Variants in RHOU observed in about 807,000 individuals in gnomAD.
RHOU encodes ras homolog family member U.
In RHOU, 8 loss-of-function variants were observed where a neutral mutation model predicts 12.6. That is an observed-to-expected ratio of 0.64 (90% CI 0.37 to 1.15). RHOU has a LOEUF of 1.15. Among genes scored for constraint, RHOU ranks in the 50% most tolerant of loss-of-function variants. The pLI is 0.01. For missense variants in RHOU, 258 were observed against 347.0 expected (o/e 0.74, Z 2.04); for synonymous variants, 161 against 147.4 (o/e 1.09, Z -0.67).
the RHOU span, among the ~76,000 whole-genome samples, chr1:228,653,225 T>G: frequency 6.6e-6 from 1 of 152,190 alleles, no homozygotes; most frequent in Admixed American, 6.5e-5. Flanking sequence ...CGTGGCTCAC[T>G]GTAACCTCTG....
intron 2 of RHOU, among the ~76,000 whole-genome samples, chr1:228,740,972 T>C (rs1425952696): frequency 6.6e-6 from 1 of 152,078 alleles, no homozygotes; most frequent in African/African-American, 2.4e-5. Context: ...TGAAAAAACA[T>C]ACCTTTGGCA....
upstream of RHOU, among the ~76,000 whole-genome samples, chr1:228,732,757 G>T (rs1451515497): frequency 1.3e-5 from 2 of 152,158 alleles, no homozygotes; most frequent in Non-Finnish European, 2.9e-5. Context: ...CTGACAGCTG[G>T]CCAGATGGAG....
chr1:228,709,929 A>T, the RHOU span, among the ~76,000 whole-genome samples: 1 of 152,152 alleles, frequency 6.6e-6, no homozygotes, highest in African/African-American at 2.4e-5. Flanking sequence ...TAATAAAGAA[A>T]AAAAGAGAGA....
the RHOU span, among the ~76,000 whole-genome samples, chr1:228,649,950 A>G: frequency 6.6e-6 from 1 of 152,242 alleles, no homozygotes; most frequent in Admixed American, 6.5e-5. Context: ...GACACAAAAT[A>G]ACCAGTTTCT....
chr1:228,709,668 A>G, the RHOU span, among the ~76,000 whole-genome samples: 1 of 148,226 alleles, frequency 6.7e-6, no homozygotes, highest in Admixed American at 6.7e-5. Flanking sequence ...CAGTGTGTAG[A>G]GGGAAATTTA....
the RHOU span, among the ~76,000 whole-genome samples, chr1:228,681,732 G>A: frequency 2.6e-5 from 4 of 152,134 alleles, no homozygotes; most frequent in Admixed American, 2.6e-4. Flanking sequence ...TTTTAGGTCA[G>A]GCAAGAGGTG....
chr1:228,711,478 A>T, the RHOU span, among the ~76,000 whole-genome samples: 1 of 152,154 alleles, frequency 6.6e-6, no homozygotes, highest in Non-Finnish European at 1.5e-5. Context: ...TCAATGGAAC[A>T]GAACAGAGCC....
At chr1:228,659,891 G>C in the RHOU span, among the ~76,000 whole-genome samples, 1 of 148,828 alleles carries the variant, frequency 6.7e-6, no homozygotes, top group African/African-American at 2.5e-5. Context: ...GGCTCAGGCA[G>C]GTGGATCACT....
At chr1:228,673,068 T>C in the RHOU span, among the ~76,000 whole-genome samples, 1 of 152,192 alleles carries the variant, frequency 6.6e-6, no homozygotes, top group South Asian at 2.1e-4. Context: ...TATTGAAATA[T>C]ACGTGCCCCA....
the RHOU span, among the ~76,000 whole-genome samples, chr1:228,695,731 C>T: frequency 6.6e-5 from 10 of 152,146 alleles, no homozygotes; most frequent in Non-Finnish European, 1.5e-4. Context: ...AGTCACCCTC[C>T]ATGTATTTGT....
the RHOU span, among the ~76,000 whole-genome samples, chr1:228,663,929 G>A: frequency 9.8e-4 from 145 of 147,576 alleles, no homozygotes; most frequent in African/African-American, 3.5e-3. Flanking sequence ...CGCCACGCCC[G>A]GCCAACATAG....
the RHOU span, among the ~76,000 whole-genome samples, chr1:228,701,608 A>G: frequency 6.6e-6 from 1 of 152,110 alleles, no homozygotes; most frequent in African/African-American, 2.4e-5. Context: ...AATCTCAGTC[A>G]GCTTTTGACC....
chr1:228,717,555 C>T, the RHOU span, among the ~76,000 whole-genome samples: 304 of 152,298 alleles, frequency 2.0e-3, 1 homozygote, highest in African/African-American at 6.7e-3. Flanking sequence ...GAGGAGAAAG[C>T]CATATTTATC....
the RHOU span, among the ~76,000 whole-genome samples, chr1:228,699,441 C>T: frequency 2.1e-5 from 2 of 94,458 alleles, no homozygotes; most frequent in African/African-American, 4.7e-5. Context: ...GAGAGAGAAC[C>T]TGTCTCAAAA....
chr1:228,682,854 C>G, the RHOU span, among the ~76,000 whole-genome samples: 1 of 152,148 alleles, frequency 6.6e-6, no homozygotes, highest in African/African-American at 2.4e-5. Flanking sequence ...TTGGATGTCA[C>G]TCAAATCTGA....
At chr1:228,665,511 T>G in the RHOU span, among the ~76,000 whole-genome samples, 1 of 152,174 alleles carries the variant, frequency 6.6e-6, no homozygotes, top group Non-Finnish European at 1.5e-5. Context: ...GTCTTCTGAG[T>G]GACTCAAATC....
At chr1:228,681,019 C>T in the RHOU span, among the ~76,000 whole-genome samples, 4 of 152,172 alleles carry the variant, frequency 2.6e-5, no homozygotes, top group African/African-American at 4.8e-5. Flanking sequence ...CTTTCCCATT[C>T]ATCTGGGGAG....
At chr1:228,669,458 G>A in the RHOU span, among the ~76,000 whole-genome samples, 1 of 152,120 alleles carries the variant, frequency 6.6e-6, no homozygotes, top group Non-Finnish European at 1.5e-5. Flanking sequence ...GAAAATAAAA[G>A]CTCTCACCTC....
the RHOU span, among the ~76,000 whole-genome samples, chr1:228,714,386 G>A: frequency 5.9e-5 from 9 of 152,264 alleles, no homozygotes; most frequent in East Asian, 1.7e-3. Context: ...CCGGAACAAT[G>A]TAGAGATTAC....
Sources: gnomAD v4.1 joint callset for allele counts (sites outside exome capture counted in the v4.1 genomes callset) on GRCh38, gnomAD v4.1.1 for gene constraint, MANE v1.5 for transcripts, NCBI Gene and HGNC (gene_info 2026-07-23, HGNC 2026-07-21) for gene names.